GHR: variants seen among roughly 807,000 people sequenced by gnomAD.
The protein encoded by GHR is growth hormone receptor.
A neutral mutation model predicts 67.1 loss-of-function variants in GHR; 35 were observed. That is an observed-to-expected ratio of 0.52 (90% CI 0.40 to 0.69). The LOEUF (loss-of-function observed/expected upper bound fraction) is 0.69. Among genes scored for constraint, GHR ranks in the 30% least tolerant of loss-of-function variants. GHR has a pLI of 0.00. For synonymous variants in GHR, 272 were observed against 269.1 expected, an observed-to-expected ratio of 1.01 and a Z score of -0.10; for missense variants, 792 against 764.6, an observed-to-expected ratio of 1.04 and a Z score of -0.42.
chr5:42,435,380 A>G (rs1743279570), intron 1 of GHR, among the ~76,000 whole-genome samples: 1 of 152,220 alleles, frequency 6.6e-6, no homozygotes, highest in Non-Finnish European at 1.5e-5. Flanking sequence ...TAGATTTTAA[A>G]GTCAATAATA....
At chr5:42,641,256 A>G (rs759850514) in intron 3 of GHR, among the ~76,000 whole-genome samples, 7 of 152,072 alleles carry the variant, frequency 4.6e-5, no homozygotes, top group Non-Finnish European at 8.8e-5. Flanking sequence ...ACTAAACTCA[A>G]TCCAAAGCTC....
rs533407867 is a variant in GHR, at chr5:42,567,033, G to A, written c.70+1089G>A. Among the ~76,000 whole-genome samples the A allele has an allele frequency of 2.6e-4, 40 of 152,308 alleles. 1 individual carries two copies. Among genetic ancestry groups the A allele is most frequent in the Non-Finnish European group, 4.3e-4 (29 of 68,020 alleles). ...GGAAATATTTTTTGGTCTCTCTGGC[G>A]TTATAATGTCAACATTATGCAAGTC... On this transcript the variant is annotated intron_variant, in intron 2 of 9. Coordinates refer to ENST00000230882, the MANE Select transcript of GHR (RefSeq NM_000163.5).
In GHR at chr5:42,590,800, C is replaced by G. The variant is rs114866086; in HGVS notation, c.70+24856C>G. 3.4e-3 allele frequency among the ~76,000 whole-genome samples: 524 copies of G among 152,264 alleles called. 4 individuals carry two copies. Among genetic ancestry groups the G allele is most frequent in the African/African-American group, 0.012 (513 of 41,548 alleles). On this transcript the variant is annotated intron_variant, in intron 2 of 9. Transcript: ENST00000230882. Reference sequence around the variant, plus strand: ...TTCAGGCTCAGAAACATGGTTGTGTCCCTAGAACTGGTGAGGCTGGAACAA... The same window carrying G: ...TTCAGGCTCAGAAACATGGTTGTGTGCCTAGAACTGGTGAGGCTGGAACAA...
intron 1 of GHR, among the ~76,000 whole-genome samples, chr5:42,471,015 G>T (rs947189422): frequency 2.6e-5 from 4 of 152,058 alleles, no homozygotes; most frequent in Non-Finnish European, 4.4e-5. Context: ...TTTCTTATTT[G>T]TGAGAGTACA....
At chr5:42,442,285 T>C (rs1380540368) in intron 1 of GHR, among the ~76,000 whole-genome samples, 1 of 152,190 alleles carries the variant, frequency 6.6e-6, no homozygotes, top group African/African-American at 2.4e-5. Flanking sequence ...GCTTGAAGGC[T>C]CAGCTGAGGC....
chr5:42,434,920 G>A (rs1035947505), intron 1 of GHR, among the ~76,000 whole-genome samples: 7 of 152,108 alleles, frequency 4.6e-5, no homozygotes, highest in Admixed American at 1.3e-4. Flanking sequence ...TTGTCTGACC[G>A]GATTTGAATA....
In GHR at chr5:42,531,960, C is replaced by T. The variant is rs143836341; in HGVS notation, c.-11-33904C>T. Among the ~76,000 whole-genome samples, 345 of 151,322 alleles carry T rather than the reference C, an allele frequency of 2.3e-3. 2 individuals carry two copies. The highest frequency in any genetic ancestry group is 7.0e-3 in the African/African-American group (289 of 41,306). On this transcript the variant is annotated intron_variant, in intron 1 of 9. Coordinates refer to ENST00000230882, the MANE Select transcript of GHR (RefSeq NM_000163.5). ...TGGGCAGTTGAATTAGTATGTTTCT[C>T]GTAGGCTAGTGAGAAAAATAGCTTT...
chr5:42,672,145 C>A (rs923232290), intron 3 of GHR, among the ~76,000 whole-genome samples: 1 of 151,788 alleles, frequency 6.6e-6, no homozygotes, highest in African/African-American at 2.4e-5. Context: ...CTAGCCAGAG[C>A]AATCAGGTAA....
chr5:42,687,527 T>C (rs55681913), intron 3 of GHR, among the ~76,000 whole-genome samples: 10,362 of 152,314 alleles, frequency 0.068, 494 homozygotes, highest in Non-Finnish European at 0.1. Context: ...CACAGCCTGG[T>C]ACAAAATTTG....
chr5:42,423,830 G>T lies in GHR; in HGVS notation c.-137G>T. 1 of 163,978 alleles carries T rather than the reference G, an allele frequency of 6.1e-6. No individual in the cohort carries two copies. The allele number at this position is 163,978 out of a possible 1,614,324, so 10.2% of individuals were successfully genotyped here. On this transcript the variant is annotated 5_prime_UTR_variant, in exon 1 of 10. Coordinates refer to ENST00000230882, the MANE Select transcript of GHR (RefSeq NM_000163.5). ...CTGCTACAGTGGCGGTGGCGGCGGC[G>T]GCTGCTGCTGAGCCCGGGCGGCGGC... is the stretch of plus-strand genomic sequence containing the variant.
chr5:42,614,831 T>G (rs1753064597), intron 2 of GHR, among the ~76,000 whole-genome samples: 1 of 152,038 alleles, frequency 6.6e-6, no homozygotes, highest in Non-Finnish European at 1.5e-5. Context: ...GACAGAATTT[T>G]TCTTCCTAGG....
rs980436636 is a variant in GHR at position 42,492,837 on chromosome 5, A to G, written c.-12+68882A>G. Among the ~76,000 whole-genome samples, 8 of 152,324 alleles carry G rather than the reference A, an allele frequency of 5.3e-5. No individual in the cohort carries two copies. In the East Asian group the frequency reaches 1.5e-3, roughly 29 times the overall value. ...TTTCATGTGCATTCAAATTCAAGAT[A>G]AGACCCAAAGCTCTGTTGCCAAGGT... is the stretch of plus-strand genomic sequence containing the variant. On this transcript the variant is annotated intron_variant, in intron 1 of 9. Transcript: ENST00000230882.
Position 42,463,240 on chromosome 5 carries a change from G to A in GHR, c.-12+39285G>A, listed in dbSNP as rs558575216. 4.0e-4 allele frequency among the ~76,000 whole-genome samples: 61 copies of A among 152,304 alleles called. 1 individual carries two copies. The highest frequency in any genetic ancestry group is 1.4e-3 in the African/African-American group (60 of 41,576). On this transcript the variant is annotated intron_variant, in intron 1 of 9. Transcript: ENST00000230882. ...GTTTTCTTAGGTGAAAACTAATCAT[G>A]TCCTGCTATAAATGTATATTGAGAG...
intron 1 of GHR, chr5:42,468,294 G>A (rs1303815479): frequency 1.3e-6 from 2 of 1,574,782 alleles, no homozygotes; most frequent in Admixed American, 1.7e-5. Context: ...ATGGGCCTAG[G>A]GCCATGGCTT....
At chr5:42,625,200 T>A (rs1258173777) in intron 2 of GHR, among the ~76,000 whole-genome samples, 2 of 152,098 alleles carry the variant, frequency 1.3e-5, no homozygotes, top group East Asian at 1.9e-4. Context: ...TTCAGAGAGA[T>A]GGGAATGAGT....
At chr5:42,671,548 T>G (rs576025682) in intron 3 of GHR, among the ~76,000 whole-genome samples, 1 of 151,544 alleles carries the variant, frequency 6.6e-6, no homozygotes, top group South Asian at 2.1e-4. Context: ...TCAATAAATC[T>G]GACTCACCAC....
chr5:42,604,664 AG>A, intron 2 of GHR, among the ~76,000 whole-genome samples: 1 of 152,028 alleles, frequency 6.6e-6, no homozygotes, highest in Non-Finnish European at 1.5e-5. Context: ...ATAAGAGCTA[AG>A]GAAGTTATGA....
rs185042971 is a variant in GHR, at chr5:42,470,188, T to C, written c.-12+46233T>C. Among the ~76,000 whole-genome samples the C allele has an allele frequency of 9.7e-3, 1,437 of 147,602 alleles. 50 individuals are homozygous for C. Among genetic ancestry groups the C allele is most frequent in the Admixed American group, 0.058 (841 of 14,582 alleles). On this transcript the variant is annotated intron_variant, in intron 1 of 9. Coordinates refer to ENST00000230882, the MANE Select transcript of GHR (RefSeq NM_000163.5). ...TAAGATATAATTATATATTATATAC[T>C]ATTATATTATATCTATAACATAATA... is the stretch of plus-strand genomic sequence containing the variant.
intron 1 of GHR, among the ~76,000 whole-genome samples, chr5:42,516,481 CA>C (rs1262710858): frequency 6.6e-6 from 1 of 151,994 alleles, no homozygotes. Context: ...TTCCCTTTTG[CA>C]ACATGACATG....
Sources: gnomAD v4.1 joint callset for allele counts (sites outside exome capture counted in the v4.1 genomes callset) on GRCh38, gnomAD v4.1.1 for gene constraint, MANE v1.5 for transcripts, NCBI Gene and HGNC (gene_info 2026-07-23, HGNC 2026-07-21) for gene names.